The following LIN52 variants were observed in gnomAD, a reference collection of about 807,000 sequenced individuals.
LIN52 encodes the protein lin-52 DREAM MuvB core complex component, also known as protein lin-52 homolog.
A neutral mutation model predicts 18.5 loss-of-function variants in LIN52; 4 were observed. The observed-to-expected ratio is 0.22, with a 90% CI of 0.11 to 0.49. The LOEUF (loss-of-function observed/expected upper bound fraction) is 0.49, where lower values mean the gene tolerates loss of function less well. Ranked by LOEUF, LIN52 falls within the 20% of genes least tolerant of loss-of-function variation. The pLI is 0.97. For synonymous variants in LIN52, 34 were observed against 45.5 expected (o/e 0.75, Z 1.02); for missense variants, 102 against 139.5 (o/e 0.73, Z 1.35).
intron 5 of LIN52, chr14:74,192,688 G>T: frequency 3.9e-6 from 1 of 257,038 alleles, no homozygotes; most frequent in Non-Finnish European, 7.6e-6. Flanking sequence ...ATGAAAGCTC[G>T]TTGTGAACAA....
chr14:74,197,931 C>T (rs1245965768), intron 5 of LIN52, among the ~76,000 whole-genome samples: 1 of 152,334 alleles, frequency 6.6e-6, no homozygotes, highest in East Asian at 1.9e-4. Context: ...CTGAGAGTGC[C>T]TCCCTAGCCA....
At chr14:74,102,005 G>A (rs1048622517) in intron 5 of LIN52, among the ~76,000 whole-genome samples, 1 of 152,078 alleles carries the variant, frequency 6.6e-6, no homozygotes. Flanking sequence ...GAACTCTTGG[G>A]TTTAAGTGAT....
In LIN52 at chr14:74,167,456, T is replaced by C. The variant is rs2061254621; in HGVS notation, c.284-31466T>C. 2.0e-5 allele frequency among the ~76,000 whole-genome samples: 3 copies of C among 152,072 alleles called. No homozygotes were observed. The South Asian group carries it at 6.2e-4, about 32-fold the overall frequency. On this transcript the variant is annotated intron_variant, in intron 5 of 5. Transcript: ENST00000555028. ...GACGGGTGTTTATTGACTTAGTCAATAGTTGGCTAATGTTGGCCAGGCTGG... is the reference window on the plus strand; with the variant it reads ...GACGGGTGTTTATTGACTTAGTCAACAGTTGGCTAATGTTGGCCAGGCTGG...
intron 5 of LIN52, among the ~76,000 whole-genome samples, chr14:74,163,361 C>T (rs2061234523): frequency 6.6e-6 from 1 of 152,018 alleles, no homozygotes; most frequent in Non-Finnish European, 1.5e-5. Context: ...GGGTTACAAG[C>T]GTGAGCCACT....
intron 5 of LIN52, among the ~76,000 whole-genome samples, chr14:74,109,470 C>CA (rs997617086): frequency 5.9e-5 from 9 of 151,980 alleles, no homozygotes; most frequent in South Asian, 4.2e-4. Context: ...TGCCTCAAAA[C>CA]AAAAAAAATT....
chr14:74,087,277 G>T (rs558167741), intron 1 of LIN52, among the ~76,000 whole-genome samples: 1 of 151,930 alleles, frequency 6.6e-6, no homozygotes, highest in Non-Finnish European at 1.5e-5. Flanking sequence ...TTAGCCAGGC[G>T]TGGTGGTGGG....
chr14:74,158,222 C>G (rs2061208971), intron 5 of LIN52, among the ~76,000 whole-genome samples: 1 of 151,444 alleles, frequency 6.6e-6, no homozygotes, highest in Admixed American at 6.6e-5. Context: ...TCAACTGATT[C>G]TTGTACCTCA....
chr14:74,132,839 G>A (rs957526460), intron 5 of LIN52, among the ~76,000 whole-genome samples: 5 of 152,154 alleles, frequency 3.3e-5, no homozygotes, highest in African/African-American at 9.7e-5. Context: ...GTGATAGTCT[G>A]TGTTGAAACT....
chr14:74,118,681 G>T (rs1196223923), intron 5 of LIN52, among the ~76,000 whole-genome samples: 1 of 152,134 alleles, frequency 6.6e-6, no homozygotes, highest in Non-Finnish European at 1.5e-5. Context: ...GGCTGAGGTG[G>T]GAGGATCACC....
chr14:74,172,310 G>C (rs1006572080), intron 5 of LIN52, among the ~76,000 whole-genome samples: 1 of 152,156 alleles, frequency 6.6e-6, no homozygotes, highest in Non-Finnish European at 1.5e-5. Context: ...AGGCCACCCG[G>C]ATCCAGTGCT....
At chr14:74,085,147 C>G in intron 1 of LIN52, 154 bp downstream of exon 1, 1 of 640,598 alleles carries the variant, frequency 1.6e-6, no homozygotes, top group Non-Finnish European at 2.3e-6. Flanking sequence ...CCGTCTTCAG[C>G]TCACCGGTTC....
At chr14:74,177,770 T>C (rs1346927176) in intron 5 of LIN52, among the ~76,000 whole-genome samples, 2 of 152,090 alleles carry the variant, frequency 1.3e-5, no homozygotes, top group Non-Finnish European at 2.9e-5. Context: ...TTGTTTTTAT[T>C]TTGTTTGTTG....
At chr14:74,109,293 G>C (rs1387372646) in intron 5 of LIN52, among the ~76,000 whole-genome samples, 5 of 152,114 alleles carry the variant, frequency 3.3e-5, no homozygotes, top group Non-Finnish European at 7.4e-5. Flanking sequence ...AGACAAGCCT[G>C]GGCAACAAAG....
chr14:74,162,099 C>T (rs1361189822), intron 5 of LIN52, among the ~76,000 whole-genome samples: 2 of 152,060 alleles, frequency 1.3e-5, no homozygotes, highest in Non-Finnish European at 2.9e-5. Context: ...CTTTATTTTG[C>T]ATCATGGGGT....
chr14:74,161,902 C>T (rs2061226733), intron 5 of LIN52, among the ~76,000 whole-genome samples: 1 of 152,190 alleles, frequency 6.6e-6, no homozygotes, highest in Non-Finnish European at 1.5e-5. Flanking sequence ...TGCAGCCTCC[C>T]TCCAGTGCCC....
chr14:74,142,643 A>G (rs189764880), intron 5 of LIN52, among the ~76,000 whole-genome samples: 1 of 151,846 alleles, frequency 6.6e-6, no homozygotes, highest in East Asian at 2.0e-4. Context: ...AATGACTACC[A>G]CATTGGACAG....
intron 2 of LIN52, among the ~76,000 whole-genome samples, chr14:74,094,273 T>A (rs78767492): frequency 2.0e-5 from 3 of 151,662 alleles, no homozygotes; most frequent in African/African-American, 7.3e-5. Context: ...TTTTTTTTTT[T>A]AATTTGAGCA....
At position 74,199,022 on chromosome 14, in the gene LIN52, C is replaced by T. The variant is rs148971436; in HGVS notation, c.*45C>T. ...TGTCCTGGGGTCCGAAACCAAGCTC[C>T]CTTCCCGGTGCACCTCTAACAATGC... On this transcript the variant is annotated 3_prime_UTR_variant, in exon 6 of 6. Coordinates refer to ENST00000555028, the MANE Select transcript of LIN52 (RefSeq NM_001024674.3). 0.013 allele frequency: 17,703 copies of T among 1,385,564 alleles called. 158 individuals are homozygous for T. Among genetic ancestry groups the T allele is most frequent in the Non-Finnish European group, 0.016 (16,061 of 973,968 alleles). 85.8% of individuals were successfully genotyped at this position (1,385,564 alleles called of 1,614,324 possible). A position where few individuals can be genotyped will look rare whatever the true frequency, so the allele number is the denominator to read the frequency against.
At chr14:74,157,197 T>C (rs2061202944) in intron 5 of LIN52, among the ~76,000 whole-genome samples, 1 of 151,766 alleles carries the variant, frequency 6.6e-6, no homozygotes, top group Non-Finnish European at 1.5e-5. Flanking sequence ...CACACCCAGC[T>C]AATTTTTGTA....
Sources: allele counts gnomAD v4.1 joint callset (sites outside exome capture counted in the v4.1 genomes callset), GRCh38; gene constraint gnomAD v4.1.1; transcripts MANE v1.5; gene names NCBI Gene and HGNC (gene_info 2026-07-23, HGNC 2026-07-21).